LILRA2: variants seen among roughly 807,000 people sequenced by gnomAD.
The protein encoded by LILRA2 is leukocyte immunoglobulin like receptor A2.
LILRA2 carries 45 observed loss-of-function variants against 47.9 expected under a neutral mutation model. The ratio of observed to expected loss-of-function variants is 0.94; its 90% CI spans 0.74 to 1.20. The LOEUF (loss-of-function observed/expected upper bound fraction) is 1.20, where lower values mean the gene tolerates loss of function less well. Ranked by LOEUF, LILRA2 falls within the 50% of genes most tolerant of loss-of-function variation. The probability of loss-of-function intolerance (pLI) is 0.00; values close to 1 mark genes in which losing one functional copy is unlikely to be tolerated. For synonymous variants in LILRA2, 279 were observed against 249.2 expected (o/e 1.12, Z -1.13); for missense variants, 651 against 598.2 (o/e 1.09, Z -0.92).
chr19:54,581,870 G>C (rs2062647191), intron 6 of LILRA2, among the ~76,000 whole-genome samples: 1 of 152,098 alleles, frequency 6.6e-6, no homozygotes, highest in African/African-American at 2.4e-5. Flanking sequence ...TTTTCAAAGG[G>C]AATACTTCTT....
intron 6 of LILRA2, among the ~76,000 whole-genome samples, chr19:54,577,290 C>G (rs1163545956): frequency 6.6e-6 from 1 of 152,086 alleles, no homozygotes; most frequent in Non-Finnish European, 1.5e-5. Context: ...CCTTGTCCTG[C>G]AGGATGTGTG....
chr19:54,576,978 G>A (rs1188536112), intron 6 of LILRA2, among the ~76,000 whole-genome samples: 1 of 152,268 alleles, frequency 6.6e-6, no homozygotes, highest in Non-Finnish European at 1.5e-5. Flanking sequence ...CATCTGGGAT[G>A]TGGCTCATCC....
chr19:54,588,025 A>C lies in LILRA2; in HGVS notation c.*679A>C, dbSNP rs1003468154. On this transcript the variant is annotated 3_prime_UTR_variant, in exon 8 of 8. Coordinates refer to ENST00000391738, the MANE Select transcript of LILRA2 (RefSeq NM_001130917.3). ...ATCTACCAATTTCTGTGACATAAATATTTTTCTCATGGCCCAAATCAAGGT... is the reference window on the plus strand; with the variant it reads ...ATCTACCAATTTCTGTGACATAAATCTTTTTCTCATGGCCCAAATCAAGGT... The C allele has an allele frequency of 1.3e-5, 2 of 152,364 alleles. No individual in the cohort carries two copies. The highest frequency in any genetic ancestry group is 2.9e-5 in the Non-Finnish European group (2 of 68,220). The allele number at this position is 152,364 out of a possible 1,614,324, so 9.4% of individuals were successfully genotyped here. A position where few individuals can be genotyped will look rare whatever the true frequency, so the allele number is the denominator to read the frequency against.
Position 54,577,598 on chromosome 19 carries a change from A to G in LILRA2, c.1255+1489A>G, listed in dbSNP as rs1263357988. On this transcript the variant is annotated intron_variant, in intron 6 of 7. Coordinates refer to ENST00000391738, the MANE Select transcript of LILRA2 (RefSeq NM_001130917.3). Reference sequence around the variant, plus strand: ...GAGTCCACCCCAGATGTGCTCCTTTAGAGAGAAGCACCCCAGCTGTGGGTG... The same window carrying G: ...GAGTCCACCCCAGATGTGCTCCTTTGGAGAGAAGCACCCCAGCTGTGGGTG... 3.9e-6 allele frequency: 5 copies of G among 1,289,546 alleles called. No individual in the cohort carries two copies. The Admixed American group carries it at 9.2e-5, about 24-fold the overall frequency. 79.9% of individuals were successfully genotyped at this position (1,289,546 alleles called of 1,614,324 possible).
chr19:54,573,277 G>C (rs2062200240), upstream of LILRA2: 22 of 502,614 alleles, frequency 4.4e-5, no homozygotes, highest in South Asian at 4.8e-4. Context: ...AGCCACCATG[G>C]TAGACCCTGC....
In LILRA2 at chr19:54,589,918, ACT is replaced by A. The variant is rs2062898328; in HGVS notation, c.*2574_*2575del. 6.6e-6 allele frequency: 1 copy of A among 152,108 alleles called. No individual in the cohort carries two copies. The allele number at this position is 152,108 out of a possible 1,614,324, so 9.4% of individuals were successfully genotyped here. On this transcript the variant is annotated 3_prime_UTR_variant, in exon 8 of 8. Transcript: ENST00000391738. ...TTCTACCACTTTTCAGTCCTGGGAA[ACT>A]CAGTCCCAATGTGCTTGTCATTCAT...
rs764723529 is a variant in LILRA2, at chr19:54,576,088, C to G, written c.1234C>G (p.Pro412Ala). ...CTACCTGCTGTCTCTCCCCAGTGAC[C>G]CCCTGGAGCTCGTGGTCTCAGGTGA... is the stretch of plus-strand genomic sequence containing the variant. ...NPYLLSLPSD[P>A]LELVVSEAAE... Residue 412 changes from proline to alanine, a missense_variant, in exon 6 of 8, where the codon CCC (proline) becomes GCC (alanine). By Grantham distance (27) the Pro-to-Ala change is conservative. Transcript: ENST00000391738. 6.2e-7 allele frequency: 1 copy of G among 1,614,218 alleles called. No homozygotes were observed. Among genetic ancestry groups the G allele is most frequent in the Admixed American group, 1.7e-5 (1 of 60,028 alleles).
At chr19:54,577,284 G>C (rs2062492055) in intron 6 of LILRA2, among the ~76,000 whole-genome samples, 1 of 152,148 alleles carries the variant, frequency 6.6e-6, no homozygotes. Flanking sequence ...CCCTGGCCTT[G>C]TCCTGCAGGA....
intron 6 of LILRA2, among the ~76,000 whole-genome samples, chr19:54,579,248 C>A (rs1327031493): frequency 6.6e-6 from 1 of 152,166 alleles, no homozygotes; most frequent in Non-Finnish European, 1.5e-5. Flanking sequence ...TTAGGTCTTA[C>A]ATTTAAGTCT....
intron 6 of LILRA2, among the ~76,000 whole-genome samples, chr19:54,582,207 G>T (rs570589764): frequency 6.6e-6 from 1 of 152,304 alleles, no homozygotes; most frequent in South Asian, 2.1e-4. Context: ...TTGCATCAAT[G>T]TTCATCAGGG....
chr19:54,576,758 AG>A (rs2062461212), intron 6 of LILRA2, among the ~76,000 whole-genome samples: 1 of 152,272 alleles, frequency 6.6e-6, no homozygotes, highest in Non-Finnish European at 1.5e-5. Context: ...AGCCAGGGTC[AG>A]GGGAGATCAC....
chr19:54,576,164 C>T, intron 6 of LILRA2, 55 bp downstream of exon 6: 10 of 1,604,392 alleles, frequency 6.2e-6, no homozygotes, highest in Non-Finnish European at 8.5e-6. Flanking sequence ...CAGGCCCTGC[C>T]CCCAGCAGAG....
chr19:54,573,300 T>C (rs2062201328), upstream of LILRA2: 14 of 596,756 alleles, frequency 2.3e-5, no homozygotes, highest in Admixed American at 2.4e-4. Flanking sequence ...TACTCCTCTG[T>C]GCTCACTGCC....
chr19:54,575,731 T>C lies in LILRA2; in HGVS notation c.953-76T>C, dbSNP rs112358903. 3,635 of 1,598,756 alleles carry C rather than the reference T, an allele frequency of 2.3e-3. 2 individuals are homozygous for C. Among genetic ancestry groups the C allele is most frequent in the Non-Finnish European group, 2.6e-3 (3,090 of 1,173,628 alleles). Reference sequence around the variant, plus strand: ...AAAACAGAGACAGAGAGACTAAGGGTCCCAGGGAGAGGCCTGGGGAGGTCT... The same window carrying C: ...AAAACAGAGACAGAGAGACTAAGGGCCCCAGGGAGAGGCCTGGGGAGGTCT... On this transcript the variant is annotated intron_variant, in intron 5 of 7. Transcript: ENST00000391738.
chr19:54,573,381 C>T, upstream of LILRA2: 1 of 826,160 alleles, frequency 1.2e-6, no homozygotes, highest in Non-Finnish European at 2.0e-6. Flanking sequence ...CTAACTGCAG[C>T]ATGGACCTGG....
rs2062232402 is a variant in LILRA2 at position 54,573,827 on chromosome 19, C to T, written c.-52C>T. On this transcript the variant is annotated 5_prime_UTR_variant, in exon 1 of 8. Transcript: ENST00000391738. ...ACACCCTGTGCGTCTCTCTGTCCTG[C>T]CAGCACTGAGGGCTCATCCATCCGC... The T allele has an allele frequency of 1.2e-5, 19 of 1,613,736 alleles. No individual in the cohort carries two copies. The South Asian group carries it at 1.9e-4, about 16-fold the overall frequency.
intron 6 of LILRA2, among the ~76,000 whole-genome samples, chr19:54,583,042 G>A (rs1048758375): frequency 5.3e-5 from 8 of 152,176 alleles, no homozygotes; most frequent in Non-Finnish European, 1.2e-4. Flanking sequence ...TTACCCAGTA[G>A]TCATTCAGGA....
chr19:54,587,463 C>A lies in LILRA2; in HGVS notation c.*117C>A, dbSNP rs1003451068. 24 of 1,454,002 alleles carry A rather than the reference C, an allele frequency of 1.7e-5. No individual in the cohort carries two copies. The Admixed American group carries it at 5.3e-4, about 32-fold the overall frequency. The allele number at this position is 1,454,002 out of a possible 1,614,324, so 90.1% of individuals were successfully genotyped here. On this transcript the variant is annotated 3_prime_UTR_variant, in exon 8 of 8. Transcript: ENST00000391738. ...TACATTATCTGGACTGTATGCTGGT[C>A]ATTTCTAGAGACAGCAATCAATATT...
At chr19:54,579,881 G>A (rs1308297242) in intron 6 of LILRA2, among the ~76,000 whole-genome samples, 1 of 152,062 alleles carries the variant, frequency 6.6e-6, no homozygotes, top group Non-Finnish European at 1.5e-5. Context: ...ATTGCAAATG[G>A]GAGTTCACTC....
Sources: gnomAD v4.1 joint callset for allele counts (sites outside exome capture counted in the v4.1 genomes callset) on GRCh38, gnomAD v4.1.1 for gene constraint, MANE v1.5 for transcripts, NCBI Gene and HGNC (gene_info 2026-07-23, HGNC 2026-07-21) for gene names.